Variants in GUCY1B1 observed in about 807,000 individuals in gnomAD.
GUCY1B1 encodes the protein guanylate cyclase soluble subunit beta-1.
In GUCY1B1, 43 loss-of-function variants were observed where a neutral mutation model predicts 71.0. The observed-to-expected ratio is 0.61, with a 90% CI of 0.47 to 0.78. The LOEUF is 0.78. Among genes scored for constraint, GUCY1B1 ranks in the 30% least tolerant of loss-of-function variants. The probability of loss-of-function intolerance (pLI) is 0.00; values close to 1 mark genes in which losing one functional copy is unlikely to be tolerated. For missense variants in GUCY1B1, 535 were observed against 754.1 expected (o/e 0.71, Z 3.40); for synonymous variants, 266 against 259.7 (o/e 1.02, Z -0.23).
At position 155,789,713 on chromosome 4, in the gene GUCY1B1, G is replaced by A; in HGVS notation, c.298-1G>A. On this transcript the variant is annotated splice_acceptor_variant, in intron 4 of 13. Transcript: ENST00000264424. LOFTEE classifies it high-confidence loss of function. The stretch of plus-strand genomic sequence containing the variant: ...TGGTCTCCCTTTCTTCTTTGCTGCA[G>A]AACCTTGATGCTCTGCACGACCACC... 1 of 1,568,338 alleles carries A rather than the reference G, an allele frequency of 6.4e-7. No homozygotes were observed. The highest frequency in any genetic ancestry group is 8.7e-7 in the Non-Finnish European group (1 of 1,149,364).
Position 155,802,089 on chromosome 4 carries a change from AT to A in GUCY1B1, c.1176-249del. 1.4e-6 allele frequency: 1 copy of A among 706,638 alleles called. No individual in the cohort carries two copies. Among genetic ancestry groups the A allele is most frequent in the African/African-American group, 1.8e-5 (1 of 55,968 alleles). 43.8% of individuals were successfully genotyped at this position (706,638 alleles called of 1,614,324 possible). A position where few individuals can be genotyped will look rare whatever the true frequency, so the allele number is the denominator to read the frequency against. On this transcript the variant is annotated intron_variant, in intron 9 of 13. Coordinates refer to ENST00000264424, the MANE Select transcript of GUCY1B1 (RefSeq NM_000857.5). This position sits in a 1 kb window ranked among gnomAD's most constrained non-coding sequence, Gnocchi z 4.3. ...TTTGTTTTGTCTGTTTGCTTGGCTT[AT>A]TTTGATTTGGTTTGAACTAGTTTGG...
In GUCY1B1 at chr4:155,778,971, T is replaced by A. The variant is rs1018549103; in HGVS notation, c.297+1329T>A. On this transcript the variant is annotated intron_variant, in intron 4 of 13. Coordinates refer to ENST00000264424, the MANE Select transcript of GUCY1B1 (RefSeq NM_000857.5). ...AGATTCAAGTGGTTTTATTAATTCC[T>A]TTTTTTTTTTTTTAACCTCTACTCA... Among the ~76,000 whole-genome samples, 5 of 114,206 alleles carry A rather than the reference T, an allele frequency of 4.4e-5. No individual in the cohort carries two copies. The South Asian group carries it at 9.6e-4, about 22-fold the overall frequency. The allele number at this position is 114,206 out of a possible 152,430, so 74.9% of individuals were successfully genotyped here.
chr4:155,763,706 T>G (rs1737152190), intron 2 of GUCY1B1, among the ~76,000 whole-genome samples: 1 of 152,358 alleles, frequency 6.6e-6, no homozygotes, highest in African/African-American at 2.4e-5. Context: ...CACAAATTAA[T>G]CATTATGGTT....
At chr4:155,776,495 C>T (rs1020094150) in intron 3 of GUCY1B1, among the ~76,000 whole-genome samples, 1 of 152,010 alleles carries the variant, frequency 6.6e-6, no homozygotes, top group African/African-American at 2.4e-5. Flanking sequence ...CATGGTGAAA[C>T]CCCCTCTCTA....
At chr4:155,776,891 T>C (rs1738088999) in intron 3 of GUCY1B1, among the ~76,000 whole-genome samples, 1 of 152,206 alleles carries the variant, frequency 6.6e-6, no homozygotes, top group African/African-American at 2.4e-5. Flanking sequence ...ATATCAAATA[T>C]ATGCTTTAAA....
chr4:155,788,353 C>T (rs989283371), intron 4 of GUCY1B1, among the ~76,000 whole-genome samples: 5 of 152,222 alleles, frequency 3.3e-5, no homozygotes, highest in Non-Finnish European at 7.3e-5. Flanking sequence ...CAACAGTCTC[C>T]TACATCTCAG....
At chr4:155,801,807 C>T (rs746909836) in intron 9 of GUCY1B1, among the ~76,000 whole-genome samples, 1 of 152,146 alleles carries the variant, frequency 6.6e-6, no homozygotes, top group Non-Finnish European at 1.5e-5. Context: ...AGACCAACTT[C>T]CTCTGGTTTT....
chr4:155,790,908 G>T (rs1032031037), intron 5 of GUCY1B1, among the ~76,000 whole-genome samples: 1 of 152,042 alleles, frequency 6.6e-6, no homozygotes, highest in Non-Finnish European at 1.5e-5. Context: ...GTGATTTCCA[G>T]GTGCATCGTT....
At chr4:155,769,987 G>A (rs1433386702) in intron 2 of GUCY1B1, among the ~76,000 whole-genome samples, 9 of 152,040 alleles carry the variant, frequency 5.9e-5, no homozygotes, top group African/African-American at 1.9e-4. Flanking sequence ...AATGTACTTG[G>A]CTGAATTTGG....
At chr4:155,782,774 A>G (rs1458402680) in intron 4 of GUCY1B1, among the ~76,000 whole-genome samples, 2 of 152,166 alleles carry the variant, frequency 1.3e-5, no homozygotes, top group East Asian at 1.9e-4. Context: ...CCTTCAGGGT[A>G]TCTTGGAACA....
intron 11 of GUCY1B1, among the ~76,000 whole-genome samples, 179 bp from the exon 12 acceptor site, chr4:155,804,414 C>T (rs776764610): frequency 2.0e-5 from 3 of 151,768 alleles, no homozygotes; most frequent in Non-Finnish European, 2.9e-5. Context: ...CTAATACGTG[C>T]GGGGCTTAAA....
chr4:155,762,216 T>G (rs551075527), intron 2 of GUCY1B1, among the ~76,000 whole-genome samples: 1 of 152,100 alleles, frequency 6.6e-6, no homozygotes, highest in Non-Finnish European at 1.5e-5. Context: ...GCTCCTTGGG[T>G]GATTCTGGTT....
intron 9 of GUCY1B1, among the ~76,000 whole-genome samples, chr4:155,801,209 A>T (rs1739930118): frequency 6.6e-6 from 1 of 151,906 alleles, no homozygotes; most frequent in South Asian, 2.1e-4. Flanking sequence ...GTAGCTGATA[A>T]GTACTTATTA....
rs187723138 is a variant in GUCY1B1 at position 155,780,066 on chromosome 4, C to T, written c.297+2424C>T. Among the ~76,000 whole-genome samples, 991 of 152,242 alleles carry T rather than the reference C, an allele frequency of 6.5e-3. 7 individuals carry two copies. Among genetic ancestry groups the T allele is most frequent in the Non-Finnish European group, 0.012 (789 of 68,010 alleles). On this transcript the variant is annotated intron_variant, in intron 4 of 13. Transcript: ENST00000264424. The stretch of plus-strand genomic sequence containing the variant: ...TGACTCCTCCAATCTCTTCTCCATC[C>T]TATAACTCTAGTGCTTTTTCTGAAA...
chr4:155,789,581 A>T, intron 4 of GUCY1B1, 133 bp from the exon 5 acceptor site: 1 of 537,774 alleles, frequency 1.9e-6, no homozygotes, highest in Non-Finnish European at 3.3e-6. Context: ...GGAGTGAAGG[A>T]TGTGCTACAT....
chr4:155,781,919 T>C (rs1368277002), intron 4 of GUCY1B1, among the ~76,000 whole-genome samples: 2 of 152,134 alleles, frequency 1.3e-5, no homozygotes, highest in African/African-American at 4.8e-5. Flanking sequence ...TTGGATCTTA[T>C]ATATTTTACC....
chr4:155,787,588 G>A (rs553986735), intron 4 of GUCY1B1, among the ~76,000 whole-genome samples: 1 of 152,248 alleles, frequency 6.6e-6, no homozygotes, highest in South Asian at 2.1e-4. Flanking sequence ...ATCCATTTGT[G>A]ATATAAACCA....
chr4:155,804,442 A>C, intron 11 of GUCY1B1, 151 bp from the exon 12 acceptor site: 2 of 613,470 alleles, frequency 3.3e-6, no homozygotes, highest in Admixed American at 5.8e-5. Flanking sequence ...TAATGGGTTG[A>C]TAGGTGCAGC....
At chr4:155,794,518 A>T (rs1739405264) in intron 6 of GUCY1B1, among the ~76,000 whole-genome samples, 1 of 152,184 alleles carries the variant, frequency 6.6e-6, no homozygotes, top group Non-Finnish European at 1.5e-5. Flanking sequence ...AATGATAGAG[A>T]TGATGATGGA....
Sources: allele counts gnomAD v4.1 joint callset (sites outside exome capture counted in the v4.1 genomes callset), GRCh38; gene constraint gnomAD v4.1.1; non-coding constraint Gnocchi (gnomAD v3.1); transcripts MANE v1.5; gene names NCBI Gene and HGNC (gene_info 2026-07-23, HGNC 2026-07-21).